Variants in MDGA2 observed in about 807,000 individuals in gnomAD.
The protein encoded by MDGA2 is MAM domain-containing glycosylphosphatidylinositol anchor protein 2.
Under a neutral mutation model 117.8 loss-of-function variants are expected in MDGA2, and 40 were observed. The observed-to-expected ratio is 0.34, with a 90% CI of 0.26 to 0.44. MDGA2 has a LOEUF of 0.44. Ranked by LOEUF, MDGA2 falls within the 20% of genes least tolerant of loss-of-function variation. MDGA2 has a pLI of 1.00. For missense variants in MDGA2, 1,123 were observed against 1,250.6 expected, an observed-to-expected ratio of 0.90 and a Z score of 1.54; for synonymous variants, 452 against 439.0, an observed-to-expected ratio of 1.03 and a Z score of -0.37.
Position 47,600,124 on chromosome 14 carries a change from G to A in MDGA2, c.280+74393C>T, listed in dbSNP as rs192972742. ...ATAATATTGCATATGGGCCAGGCGC[G>A]GTGGCTCATGCTTCTAATCCCAGCA... is the stretch of plus-strand genomic sequence containing the variant. On this transcript the variant is annotated intron_variant, in intron 1 of 16. Transcript: ENST00000399232. Among the ~76,000 whole-genome samples the A allele has an allele frequency of 1.1e-4, 17 of 152,108 alleles. No individual in the cohort carries two copies. The South Asian group carries it at 2.7e-3, about 24-fold the overall frequency.
chr14:47,475,287 C>T (rs556019323), intron 1 of MDGA2, among the ~76,000 whole-genome samples: 1 of 152,074 alleles, frequency 6.6e-6, no homozygotes, highest in Non-Finnish European at 1.5e-5. Flanking sequence ...CCATCTTGTG[C>T]CAGTTAGAAT....
chr14:46,982,298 G>A (rs1234754884), intron 8 of MDGA2, among the ~76,000 whole-genome samples: 2 of 152,054 alleles, frequency 1.3e-5, no homozygotes, highest in Non-Finnish European at 2.9e-5. Flanking sequence ...ATTATACTAT[G>A]ATTAAAATGG....
At chr14:46,861,052 A>C (rs1425860839) in intron 14 of MDGA2, among the ~76,000 whole-genome samples, 2 of 151,756 alleles carry the variant, frequency 1.3e-5, no homozygotes, top group African/African-American at 4.8e-5. Flanking sequence ...GGCATTTTTC[A>C]CCAGACAATT....
intron 5 of MDGA2, among the ~76,000 whole-genome samples, chr14:47,127,898 T>C (rs901956359): frequency 1.3e-5 from 2 of 152,070 alleles, no homozygotes; most frequent in African/African-American, 4.8e-5. Flanking sequence ...CTTTTGGCTT[T>C]AAGGTATGAA....
At position 47,601,939 on chromosome 14, in the gene MDGA2, T is replaced by G. The variant is rs1363767567; in HGVS notation, c.280+72578A>C. ...TATTCTCTCCCCCAGCTTCGGAGTTTTGATTTAGGCTTATTTTCCTGGAGT... is the reference window on the plus strand; with the variant it reads ...TATTCTCTCCCCCAGCTTCGGAGTTGTGATTTAGGCTTATTTTCCTGGAGT... On this transcript the variant is annotated intron_variant, in intron 1 of 16. Transcript: ENST00000399232. 2.6e-5 allele frequency among the ~76,000 whole-genome samples: 4 copies of G among 152,184 alleles called. No individual in the cohort carries two copies. In the East Asian group the frequency reaches 5.8e-4, roughly 22 times the overall value.
intron 2 of MDGA2, among the ~76,000 whole-genome samples, chr14:47,283,221 C>A (rs1221848246): frequency 6.6e-6 from 1 of 151,798 alleles, no homozygotes; most frequent in Non-Finnish European, 1.5e-5. Flanking sequence ...AGGGAAAGGG[C>A]AATAAGTTGG....
At chr14:47,228,589 T>C (rs1055066383) in intron 2 of MDGA2, among the ~76,000 whole-genome samples, 1 of 152,104 alleles carries the variant, frequency 6.6e-6, no homozygotes, top group African/African-American at 2.4e-5. Context: ...TAAGCTACGA[T>C]GTTCAGTAGG....
At chr14:47,324,806 T>A (rs1202313878) in intron 1 of MDGA2, among the ~76,000 whole-genome samples, 1 of 151,910 alleles carries the variant, frequency 6.6e-6, no homozygotes, top group Non-Finnish European at 1.5e-5. Flanking sequence ...AAAAAAGTGT[T>A]GTAAATGTTG....
intron 1 of MDGA2, among the ~76,000 whole-genome samples, chr14:47,566,514 C>T (rs868055898): frequency 6.6e-6 from 1 of 152,204 alleles, no homozygotes; most frequent in Non-Finnish European, 1.5e-5. Context: ...CATGTTCCCA[C>T]ATTAAACCCT....
chr14:46,899,292 A>G lies in MDGA2; in HGVS notation c.2239-17071T>C, dbSNP rs554752770. Among the ~76,000 whole-genome samples, 5 of 152,148 alleles carry G rather than the reference A, an allele frequency of 3.3e-5. No homozygotes were observed. In the East Asian group the frequency reaches 7.7e-4, roughly 24 times the overall value. On this transcript the variant is annotated intron_variant, in intron 10 of 16. Transcript: ENST00000399232. ...TTCCCAAAATGATTACATGTGAAGG[A>G]GTCTTTTCAAAGCAGAATTACAATA...
intron 1 of MDGA2, among the ~76,000 whole-genome samples, chr14:47,384,044 G>A (rs74045016): frequency 0.032 from 4,683 of 144,848 alleles, 267 homozygotes; most frequent in African/African-American, 0.11. Context: ...GAGATAAATA[G>A]AACATAATGA....
intron 2 of MDGA2, among the ~76,000 whole-genome samples, chr14:47,237,796 A>C (rs1886913429): frequency 1.3e-5 from 2 of 152,004 alleles, no homozygotes; most frequent in African/African-American, 4.8e-5. Context: ...CTAAATATTC[A>C]TCTGCTTGCC....
At chr14:47,063,881 T>C (rs1032772833) in intron 6 of MDGA2, among the ~76,000 whole-genome samples, 17 of 152,028 alleles carry the variant, frequency 1.1e-4, no homozygotes, top group African/African-American at 3.9e-4. Flanking sequence ...TAAGTGGTTG[T>C]CATTTATTTA....
intron 1 of MDGA2, among the ~76,000 whole-genome samples, chr14:47,651,592 T>G (rs1158621709): frequency 6.6e-6 from 1 of 151,880 alleles, no homozygotes; most frequent in Non-Finnish European, 1.5e-5. Flanking sequence ...TTTTTAGCCA[T>G]CACACAGGCT....
intron 1 of MDGA2, among the ~76,000 whole-genome samples, chr14:47,473,176 G>C (rs966459643): frequency 2.0e-5 from 3 of 152,140 alleles, no homozygotes; most frequent in African/African-American, 7.2e-5. Flanking sequence ...ACCAATCAGA[G>C]CAAGTGTGAG....
At chr14:46,991,686 T>C (rs748941980) in intron 8 of MDGA2, among the ~76,000 whole-genome samples, 38 of 152,148 alleles carry the variant, frequency 2.5e-4, no homozygotes, top group Non-Finnish European at 5.0e-4. Flanking sequence ...GGGAAAAATA[T>C]GAAATTCCTT....
chr14:47,240,246 A>G (rs528266529), intron 2 of MDGA2, among the ~76,000 whole-genome samples: 1 of 151,798 alleles, frequency 6.6e-6, no homozygotes, highest in East Asian at 1.9e-4. Flanking sequence ...GGGTTTCACC[A>G]TGTTGGTCAG....
intron 14 of MDGA2, among the ~76,000 whole-genome samples, chr14:46,870,504 G>A (rs1017217694): frequency 6.6e-6 from 1 of 151,944 alleles, no homozygotes; most frequent in Non-Finnish European, 1.5e-5. Flanking sequence ...TCTCTCTAAT[G>A]AACTATCTCA....
chr14:47,585,333 T>C (rs928592695), intron 1 of MDGA2, among the ~76,000 whole-genome samples: 7 of 151,880 alleles, frequency 4.6e-5, no homozygotes, highest in Non-Finnish European at 1.0e-4. Context: ...TCCAGAATAA[T>C]GATGGGTTAC....
Sources: allele counts gnomAD v4.1 joint callset (sites outside exome capture counted in the v4.1 genomes callset), GRCh38; gene constraint gnomAD v4.1.1; transcripts MANE v1.5; gene names NCBI Gene and HGNC (gene_info 2026-07-23, HGNC 2026-07-21).